Variants in NTF3 observed in about 807,000 individuals in gnomAD.
The protein encoded by NTF3 is neurotrophin 3, also known as neurotrophin-3.
NTF3 carries 8 observed loss-of-function variants against 26.3 expected under a neutral mutation model. That is an observed-to-expected ratio of 0.30 (90% CI 0.18 to 0.55). NTF3 has a LOEUF of 0.55. Ranked by LOEUF, NTF3 falls within the 20% of genes least tolerant of loss-of-function variation. The pLI is 0.93. For synonymous variants in NTF3, 154 were observed against 145.5 expected (o/e 1.06, Z -0.42); for missense variants, 276 against 352.9 (o/e 0.78, Z 1.75).
At chr12:5,441,552 G>A (rs576080130) in intron 1 of NTF3, among the ~76,000 whole-genome samples, 1 of 152,314 alleles carries the variant, frequency 6.6e-6, no homozygotes, top group African/African-American at 2.4e-5. Context: ...CCAGCCTCCT[G>A]ATGCCACTTA....
intron 1 of NTF3, among the ~76,000 whole-genome samples, chr12:5,485,435 T>C (rs555099794): frequency 1.3e-5 from 2 of 152,346 alleles, no homozygotes; most frequent in East Asian, 3.9e-4. Flanking sequence ...TGTCTCTCAA[T>C]TGATGTGTCT....
At chr12:5,482,071 A>C (rs1416186569) in intron 1 of NTF3, among the ~76,000 whole-genome samples, 1 of 152,082 alleles carries the variant, frequency 6.6e-6, no homozygotes, top group Non-Finnish European at 1.5e-5. Flanking sequence ...ACACACAGAC[A>C]CATCTGCAGT....
At chr12:5,455,063 C>T (rs918972198) in intron 1 of NTF3, among the ~76,000 whole-genome samples, 2 of 152,174 alleles carry the variant, frequency 1.3e-5, no homozygotes, top group Admixed American at 6.5e-5. Context: ...AGGAGCCTAA[C>T]GTGTGGAGCA....
At chr12:5,489,106 C>G (rs1940903305) in intron 1 of NTF3, among the ~76,000 whole-genome samples, 1 of 152,206 alleles carries the variant, frequency 6.6e-6, no homozygotes, top group African/African-American at 2.4e-5. Context: ...CCTCTGCAGG[C>G]ACAGGTGACC....
intron 1 of NTF3, among the ~76,000 whole-genome samples, chr12:5,480,548 G>A (rs1453653531): frequency 1.3e-5 from 2 of 152,192 alleles, no homozygotes; most frequent in African/African-American, 4.8e-5. Flanking sequence ...GCACTCGGGA[G>A]GCGAACCGGC....
At chr12:5,463,592 A>T (rs1371310349) in intron 1 of NTF3, among the ~76,000 whole-genome samples, 1 of 152,172 alleles carries the variant, frequency 6.6e-6, no homozygotes, top group Admixed American at 6.5e-5. Flanking sequence ...GGATATGGAG[A>T]AAAAGACCAC....
At position 5,494,002 on chromosome 12, in the gene NTF3, C is replaced by T. The variant is rs902716668; in HGVS notation, c.19-192C>T. ...AGAGTCGGCAGACCTGGAGTGCATT[C>T]GCAGTATCTCCCGGGGGTGGGGGAA... On this transcript the variant is annotated intron_variant, in intron 1 of 1. Coordinates refer to ENST00000423158, the MANE Select transcript of NTF3 (RefSeq NM_001102654.2). This position sits in a 1 kb window ranked among gnomAD's most constrained non-coding sequence, Gnocchi z 8.3. The T allele has an allele frequency of 2.0e-5, 12 of 602,076 alleles. No homozygotes were observed. The highest frequency in any genetic ancestry group is 3.2e-5 in the Non-Finnish European group (11 of 341,626). 37.3% of individuals were successfully genotyped at this position (602,076 alleles called of 1,614,324 possible). A position where few individuals can be genotyped will look rare whatever the true frequency, so the allele number is the denominator to read the frequency against.
intron 1 of NTF3, among the ~76,000 whole-genome samples, chr12:5,468,445 G>T (rs1477078952): frequency 6.6e-6 from 1 of 152,104 alleles, no homozygotes; most frequent in Non-Finnish European, 1.5e-5. Flanking sequence ...TAATGGAGTT[G>T]TATCCAGCGA....
chr12:5,439,810 G>A (rs1940215771), intron 1 of NTF3, among the ~76,000 whole-genome samples: 1 of 152,214 alleles, frequency 6.6e-6, no homozygotes, highest in African/African-American at 2.4e-5. Context: ...TGGAGAGCAT[G>A]AGGTATCTTT....
chr12:5,451,499 A>G (rs1463993111), intron 1 of NTF3, among the ~76,000 whole-genome samples: 2 of 152,204 alleles, frequency 1.3e-5, no homozygotes, highest in Non-Finnish European at 2.9e-5. Context: ...ATTCTTTCTG[A>G]TTATGAAGTA....
intron 1 of NTF3, among the ~76,000 whole-genome samples, chr12:5,457,296 C>T (rs996518135): frequency 1.3e-5 from 2 of 152,168 alleles, no homozygotes; most frequent in African/African-American, 4.8e-5. Context: ...TCCTCCTCTT[C>T]ACACCTAACT....
rs1432333534 is a variant in NTF3 at position 5,470,515 on chromosome 12, A to G, written c.19-23679A>G. ...CGTGTTCCTGGGGCATTCCACTTGC[A>G]GTCCTGGCTGTAACCCGAGTGAGCC... On this transcript the variant is annotated intron_variant, in intron 1 of 1. Transcript: ENST00000423158. Among the ~76,000 whole-genome samples, 4 of 152,328 alleles carry G rather than the reference A, an allele frequency of 2.6e-5. No individual in the cohort carries two copies. In the East Asian group the frequency reaches 7.7e-4, roughly 29 times the overall value.
At position 5,494,195 on chromosome 12, in the gene NTF3, T is replaced by G. The variant is rs975905708; in HGVS notation, c.20T>G (p.Ile7Ser). 1 of 1,612,260 alleles carries G rather than the reference T, an allele frequency of 6.2e-7. No homozygotes were observed. The highest frequency in any genetic ancestry group is 1.3e-5 in the African/African-American group (1 of 75,020). Residue 7 changes from isoleucine to serine, a missense_variant and splice_region_variant, in exon 2 of 2, where the codon ATC becomes AGC. This residue lies in a region of NTF3 where 221 missense variants were observed against 258.2 expected (regional missense o/e 0.86). Coordinates refer to ENST00000423158, the MANE Select transcript of NTF3 (RefSeq NM_001102654.2). The surrounding 1 kb of genome is among the most constrained non-coding windows in gnomAD (Gnocchi z 8.3). The stretch of plus-strand genomic sequence containing the variant: ...TTAACACCTGTGTTTCCTTTTCAGA[T>G]CTTACAGGTGAACAAGGTGATGTCC... MVTFAT[I>S]LQVNKVMSIL...
chr12:5,445,397 A>C (rs1940293201), intron 1 of NTF3, among the ~76,000 whole-genome samples: 1 of 150,860 alleles, frequency 6.6e-6, no homozygotes, highest in Admixed American at 6.6e-5. Context: ...TTTTGTCAGT[A>C]GTGGATATCT....
intron 1 of NTF3, among the ~76,000 whole-genome samples, chr12:5,439,163 T>C (rs1181776403): frequency 6.6e-6 from 1 of 152,232 alleles, no homozygotes; most frequent in African/African-American, 2.4e-5. Flanking sequence ...GCAATGTCTC[T>C]GACTAAGGTA....
In NTF3 at chr12:5,456,825, C is replaced by G. The variant is rs1384195394; in HGVS notation, c.18+24483C>G. Among the ~76,000 whole-genome samples, 2 of 152,220 alleles carry G rather than the reference C, an allele frequency of 1.3e-5. No homozygotes were observed. Among genetic ancestry groups the G allele is most frequent in the South Asian group, 2.1e-4 (1 of 4,824 alleles). On this transcript the variant is annotated intron_variant, in intron 1 of 1. Coordinates refer to ENST00000423158, the MANE Select transcript of NTF3 (RefSeq NM_001102654.2). This position sits in a 1 kb window ranked among gnomAD's most constrained non-coding sequence, Gnocchi z 4.4. ...GGAAGCAGAGCAAGCTCCCGTAGGT[C>G]AAGTGATTTGGGCCCGAGTTGACCC... is the stretch of plus-strand genomic sequence containing the variant.
intron 1 of NTF3, among the ~76,000 whole-genome samples, chr12:5,452,957 G>C (rs937999973): frequency 2.0e-5 from 3 of 152,172 alleles, no homozygotes; most frequent in African/African-American, 7.2e-5. Context: ...GCAGAAGCCG[G>C]GCTGACTTGG....
chr12:5,473,685 A>G (rs78987114), intron 1 of NTF3, among the ~76,000 whole-genome samples: 2,343 of 152,324 alleles, frequency 0.015, 76 homozygotes, highest in African/African-American at 0.053. Flanking sequence ...CAAGTCCCTT[A>G]CCATCCTAGT....
At chr12:5,455,577 CACACACATAG>C (rs1565388159) in intron 1 of NTF3, among the ~76,000 whole-genome samples, 1 of 86,018 alleles carries the variant, frequency 1.2e-5, no homozygotes, top group Admixed American at 1.1e-4. Context: ...CACACACACA[CACACACATAG>C]CCCCTGTGAT....
Sources: allele counts gnomAD v4.1 joint callset (sites outside exome capture counted in the v4.1 genomes callset), GRCh38; gene constraint gnomAD v4.1.1; regional missense constraint gnomAD v4.1.1; non-coding constraint Gnocchi (gnomAD v3.1); transcripts MANE v1.5; gene names NCBI Gene and HGNC (gene_info 2026-07-23, HGNC 2026-07-21).